HCN1: variants seen among roughly 807,000 people sequenced by gnomAD.
The protein encoded by HCN1 is hyperpolarization activated cyclic nucleotide gated potassium channel 1.
A neutral mutation model predicts 78.9 loss-of-function variants in HCN1; 13 were observed. That is an observed-to-expected ratio of 0.16 (90% CI 0.11 to 0.26). The LOEUF is 0.26. Ranked by LOEUF, HCN1 falls within the 10% of genes least tolerant of loss-of-function variation. The probability of loss-of-function intolerance (pLI) is 1.00; values close to 1 mark genes in which losing one functional copy is unlikely to be tolerated. For synonymous variants in HCN1, 552 were observed against 455.5 expected (o/e 1.21, Z -2.70); for missense variants, 810 against 1,154.3 (o/e 0.70, Z 4.32).
At chr5:45,333,660 G>A (rs576029157) in intron 5 of HCN1, among the ~76,000 whole-genome samples, 1 of 151,684 alleles carries the variant, frequency 6.6e-6, no homozygotes, top group Non-Finnish European at 1.5e-5. Context: ...TTTGATTTTT[G>A]TATATGGCTA....
chr5:45,488,563 G>T (rs552981576), intron 2 of HCN1, among the ~76,000 whole-genome samples: 1 of 151,882 alleles, frequency 6.6e-6, no homozygotes, highest in Non-Finnish European at 1.5e-5. Flanking sequence ...CGGCATTTTC[G>T]TATTTTCATA....
chr5:45,304,572 A>G (rs1190534694), intron 5 of HCN1, among the ~76,000 whole-genome samples: 2 of 152,094 alleles, frequency 1.3e-5, no homozygotes, highest in East Asian at 3.9e-4. Context: ...GCTACTCGGG[A>G]GGCTGAGGCA....
At chr5:45,499,962 G>C (rs1244641464) in intron 2 of HCN1, among the ~76,000 whole-genome samples, 1 of 151,934 alleles carries the variant, frequency 6.6e-6, no homozygotes, top group Non-Finnish European at 1.5e-5. Flanking sequence ...CACAAACACA[G>C]TCTGCATTGT....
chr5:45,573,137 A>AT (rs1431380231), intron 2 of HCN1, among the ~76,000 whole-genome samples: 1 of 152,184 alleles, frequency 6.6e-6, no homozygotes, highest in Non-Finnish European at 1.5e-5. Context: ...TTATCTATGC[A>AT]TATAAATGTC....
chr5:45,664,069 C>A (rs1745980023), intron 1 of HCN1, among the ~76,000 whole-genome samples: 1 of 126,558 alleles, frequency 7.9e-6, no homozygotes, highest in Admixed American at 8.7e-5. Flanking sequence ...AAATGTCCAA[C>A]AATGATAGAC....
Position 45,272,714 on chromosome 5 carries a change from A to C in HCN1, c.1619-5461T>G, listed in dbSNP as rs116125352. On this transcript the variant is annotated intron_variant, in intron 6 of 7. Transcript: ENST00000303230. Reference sequence around the variant, plus strand: ...ATAACATATCTCTGAGGTTTTGTGCAATGTTTATAATAAAGAAAACTATCT... The same window carrying C: ...ATAACATATCTCTGAGGTTTTGTGCCATGTTTATAATAAAGAAAACTATCT... Among the ~76,000 whole-genome samples, 808 of 152,192 alleles carry C rather than the reference A, an allele frequency of 5.3e-3. 3 individuals carry two copies. The highest frequency in any genetic ancestry group is 0.018 in the African/African-American group (766 of 41,552).
chr5:45,483,550 T>C (rs1741697190), intron 2 of HCN1, among the ~76,000 whole-genome samples: 1 of 152,190 alleles, frequency 6.6e-6, no homozygotes, highest in Non-Finnish European at 1.5e-5. Context: ...GTTTCGAATA[T>C]GTTCTCCCAT....
chr5:45,324,542 C>A (rs1385501415), intron 5 of HCN1, among the ~76,000 whole-genome samples: 1 of 151,898 alleles, frequency 6.6e-6, no homozygotes, highest in Admixed American at 6.6e-5. Context: ...AACACTTTTA[C>A]ACTGTTGGTG....
At chr5:45,433,119 A>G (rs747920381) in intron 3 of HCN1, among the ~76,000 whole-genome samples, 1 of 152,130 alleles carries the variant, frequency 6.6e-6, no homozygotes, top group South Asian at 2.1e-4. Context: ...GCTATAATTC[A>G]AGATGAAATT....
chr5:45,493,136 T>G (rs1319862542), intron 2 of HCN1, among the ~76,000 whole-genome samples: 2 of 152,148 alleles, frequency 1.3e-5, no homozygotes. Context: ...AATATGAGTT[T>G]AGTCTCAAAA....
intron 2 of HCN1, among the ~76,000 whole-genome samples, chr5:45,493,937 T>A (rs966122364): frequency 3.3e-5 from 5 of 152,204 alleles, no homozygotes; most frequent in African/African-American, 9.7e-5. Context: ...AACTCATCAT[T>A]TTTTATGGCT....
intron 2 of HCN1, among the ~76,000 whole-genome samples, chr5:45,469,020 T>C (rs529843010): frequency 6.6e-6 from 1 of 151,604 alleles, no homozygotes; most frequent in Non-Finnish European, 1.5e-5. Context: ...TTGGAATAGG[T>C]CAAAAAACAA....
chr5:45,299,464 T>C (rs1235427905), intron 6 of HCN1, among the ~76,000 whole-genome samples: 1 of 151,978 alleles, frequency 6.6e-6, no homozygotes, highest in Admixed American at 6.6e-5. Context: ...TTTTGAATCA[T>C]CTGGGGATTT....
chr5:45,509,193 C>G (rs909017679), intron 2 of HCN1, among the ~76,000 whole-genome samples: 1 of 152,102 alleles, frequency 6.6e-6, no homozygotes, highest in Non-Finnish European at 1.5e-5. Context: ...TCATTTGTAA[C>G]TAGGAGTGCA....
chr5:45,267,641 G>A (rs1216226898), intron 6 of HCN1, among the ~76,000 whole-genome samples: 2 of 151,902 alleles, frequency 1.3e-5, no homozygotes, highest in African/African-American at 2.4e-5. Context: ...GGTGGCAGGC[G>A]CCTGTAGTCC....
chr5:45,452,458 T>C (rs1210648481), intron 3 of HCN1, among the ~76,000 whole-genome samples: 2 of 151,514 alleles, frequency 1.3e-5, no homozygotes, highest in African/African-American at 4.9e-5. Context: ...CCAGAATAAA[T>C]TACATCTCTA....
intron 1 of HCN1, among the ~76,000 whole-genome samples, chr5:45,663,843 C>G (rs1453767817): frequency 6.8e-6 from 1 of 148,040 alleles, no homozygotes; most frequent in Non-Finnish European, 1.5e-5. Context: ...AATAGGAACA[C>G]TTTCACACTG....
chr5:45,659,550 C>T (rs1206855330), intron 1 of HCN1, among the ~76,000 whole-genome samples: 16 of 143,302 alleles, frequency 1.1e-4, no homozygotes, highest in Admixed American at 1.0e-3. Flanking sequence ...AAGTTGAAAA[C>T]TTTGAAAAAA....
At chr5:45,683,647 A>G in intron 1 of HCN1, among the ~76,000 whole-genome samples, 1 of 150,242 alleles carries the variant, frequency 6.7e-6, no homozygotes, top group African/African-American at 2.4e-5. Context: ...ATATATATAT[A>G]CACACACACA....
Sources: gnomAD v4.1 joint callset for allele counts (sites outside exome capture counted in the v4.1 genomes callset) on GRCh38, gnomAD v4.1.1 for gene constraint, MANE v1.5 for transcripts, NCBI Gene and HGNC (gene_info 2026-07-23, HGNC 2026-07-21) for gene names.